The following PNKD variants were observed in gnomAD, a reference collection of about 807,000 sequenced individuals.
PNKD encodes probable thioesterase PNKD.
PNKD carries 36 observed loss-of-function variants against 45.3 expected under a neutral mutation model. That is an observed-to-expected ratio of 0.80 (90% CI 0.61 to 1.05). The LOEUF (loss-of-function observed/expected upper bound fraction) is 1.05. Among genes scored for constraint, PNKD ranks in the 50% least tolerant of loss-of-function variants. PNKD has a pLI of 0.00. For missense variants in PNKD, 511 were observed against 506.6 expected (o/e 1.01, Z -0.08); for synonymous variants, 197 against 210.1 (o/e 0.94, Z 0.54).
intron 2 of PNKD, among the ~76,000 whole-genome samples, chr2:218,300,046 C>G (rs1175495010): frequency 6.6e-6 from 1 of 152,150 alleles, no homozygotes; most frequent in Non-Finnish European, 1.5e-5. Context: ...AGTGAGCCAC[C>G]GCGCCTGACC....
At chr2:218,292,246 C>T (rs898659143) in intron 2 of PNKD, among the ~76,000 whole-genome samples, 1 of 152,246 alleles carries the variant, frequency 6.6e-6, no homozygotes, top group Non-Finnish European at 1.5e-5. Context: ...TAACCAGGTG[C>T]CACAGACCCG....
chr2:218,282,985 C>A (rs1692184297), intron 2 of PNKD, among the ~76,000 whole-genome samples: 1 of 152,194 alleles, frequency 6.6e-6, no homozygotes, highest in African/African-American at 2.4e-5. Context: ...TGCACGGCCC[C>A]TCGCCCTCCC....
At chr2:218,277,829 G>A (rs1040052056) in intron 2 of PNKD, 8 of 1,557,588 alleles carry the variant, frequency 5.1e-6, no homozygotes, top group African/African-American at 1.4e-5. Context: ...CAGATAAGGT[G>A]GAGGAGACAG....
At chr2:218,289,198 A>C (rs1009605971) in intron 2 of PNKD, among the ~76,000 whole-genome samples, 1 of 152,040 alleles carries the variant, frequency 6.6e-6, no homozygotes, top group Non-Finnish European at 1.5e-5. Flanking sequence ...TGCTACCATT[A>C]TTTCTTTCCC....
At chr2:218,279,178 C>G in intron 2 of PNKD, 3 of 1,590,548 alleles carry the variant, frequency 1.9e-6, no homozygotes, top group Non-Finnish European at 2.6e-6. Flanking sequence ...TTCACCTTCT[C>G]TAATTGCCCA....
intron 2 of PNKD, among the ~76,000 whole-genome samples, chr2:218,334,946 G>A (rs139473066): frequency 2.1e-3 from 326 of 151,888 alleles, no homozygotes; most frequent in African/African-American, 7.6e-3. Context: ...AGAAACTCTC[G>A]GTGTTAGCCT....
rs994453390 is a variant in PNKD at position 218,341,752 on chromosome 2, C to T, written c.617+126C>T. On this transcript the variant is annotated intron_variant, in intron 6 of 9. Coordinates refer to ENST00000273077, the MANE Select transcript of PNKD (RefSeq NM_015488.5). The stretch of plus-strand genomic sequence containing the variant: ...TGCCAGTGCCCTTCCTGGCCCAATC[C>T]CAGCCTATCTGAAGACTGGCACTGC... The T allele has an allele frequency of 3.1e-5, 25 of 812,634 alleles. No homozygotes were observed. The South Asian group carries it at 3.5e-4, about 11-fold the overall frequency. 50.3% of individuals were successfully genotyped at this position (812,634 alleles called of 1,614,324 possible). A position where few individuals can be genotyped will look rare whatever the true frequency, so the allele number is the denominator to read the frequency against.
intron 2 of PNKD, chr2:218,287,119 C>T (rs1375201477): frequency 6.6e-6 from 1 of 152,250 alleles, no homozygotes; most frequent in Non-Finnish European, 1.5e-5. Context: ...AATATCCTTC[C>T]ATCAGCCTGG....
At chr2:218,317,733 T>A (rs1315074308) in intron 2 of PNKD, among the ~76,000 whole-genome samples, 1 of 152,172 alleles carries the variant, frequency 6.6e-6, no homozygotes, top group African/African-American at 2.4e-5. Context: ...AAACCAGGGT[T>A]CTGCAGGGTA....
At chr2:218,295,632 G>C (rs917055623) in intron 2 of PNKD, among the ~76,000 whole-genome samples, 1 of 152,012 alleles carries the variant, frequency 6.6e-6, no homozygotes, top group Non-Finnish European at 1.5e-5. Flanking sequence ...AGGGTGCAGT[G>C]GGGTAGAAGG....
chr2:218,297,633 C>T (rs1267144268), intron 2 of PNKD, among the ~76,000 whole-genome samples: 4 of 137,598 alleles, frequency 2.9e-5, no homozygotes, highest in South Asian at 2.3e-4. Flanking sequence ...TGCAGTGAGC[C>T]GAGATCATGC....
At chr2:218,304,900 C>T (rs1026564965) in intron 2 of PNKD, among the ~76,000 whole-genome samples, 2 of 152,052 alleles carry the variant, frequency 1.3e-5, no homozygotes, top group East Asian at 3.9e-4. Context: ...CATGGTGAAA[C>T]CCCATCTTGG....
chr2:218,271,920 C>CT (rs1273969738), intron 2 of PNKD, among the ~76,000 whole-genome samples: 1 of 152,164 alleles, frequency 6.6e-6, no homozygotes, highest in Non-Finnish European at 1.5e-5. Context: ...TGATTGGGCT[C>CT]TGACTCTGAC....
chr2:218,323,404 A>G, intron 2 of PNKD: 2 of 1,574,652 alleles, frequency 1.3e-6, no homozygotes. Context: ...CTCATGGCGC[A>G]CAGCCAGCGG....
intron 2 of PNKD, chr2:218,272,743 G>GGTCTGGGGT (rs773836379): frequency 5.3e-5 from 85 of 1,614,054 alleles, no homozygotes; most frequent in Admixed American, 6.7e-5. Context: ...CCTGATGTTG[G>GGTCTGGGGT]GTCTGGGGTG....
At chr2:218,282,193 G>A (rs755633876) in intron 2 of PNKD, 2 of 1,379,146 alleles carry the variant, frequency 1.5e-6, no homozygotes, top group Non-Finnish European at 9.6e-7. Context: ...TGAAATGGGA[G>A]AGGAGAAAAG....
chr2:218,339,872 C>T lies in PNKD; in HGVS notation c.326C>T (p.Ser109Leu), dbSNP rs985467569. 7 of 1,599,864 alleles carry T rather than the reference C, an allele frequency of 4.4e-6. No individual in the cohort carries two copies. The highest frequency in any genetic ancestry group is 1.3e-5 in the African/African-American group (1 of 74,338). ...RARNRYPKGH[S>L]KTQPRLFNGV... Reference sequence around the variant, plus strand: ...CGGAATCGCTACCCTAAAGGCCACTCGAAAACCCAGCCCCGCCTCTTCAAT... The same window carrying T: ...CGGAATCGCTACCCTAAAGGCCACTTGAAAACCCAGCCCCGCCTCTTCAAT... The change falls in exon 3 of 10, where the codon TCG (serine) becomes TTG (leucine). Residue 109 changes from serine (S) to leucine (L), a missense_variant. Transcript: ENST00000273077.
intron 2 of PNKD, among the ~76,000 whole-genome samples, chr2:218,338,849 G>C (rs1201442887): frequency 2.1e-5 from 3 of 143,002 alleles, no homozygotes; most frequent in Non-Finnish European, 4.5e-5. Flanking sequence ...CTGGAGTACA[G>C]TGGTGCAATC....
intron 2 of PNKD, among the ~76,000 whole-genome samples, chr2:218,309,060 T>G: frequency 6.6e-6 from 1 of 151,538 alleles, no homozygotes; most frequent in East Asian, 1.9e-4. Context: ...GGCAACATAG[T>G]GAGACCCTGT....
Sources: gnomAD v4.1 joint callset for allele counts (sites outside exome capture counted in the v4.1 genomes callset) on GRCh38, gnomAD v4.1.1 for gene constraint, MANE v1.5 for transcripts, NCBI Gene and HGNC (gene_info 2026-07-23, HGNC 2026-07-21) for gene names.